KIAA0586: variants seen among roughly 807,000 people sequenced by gnomAD.
KIAA0586 encodes the protein protein TALPID3.
KIAA0586 carries 144 observed loss-of-function variants against 169.8 expected under a neutral mutation model. The observed-to-expected ratio is 0.85, with a 90% CI of 0.74 to 0.97. The LOEUF is 0.97. Ranked by LOEUF, KIAA0586 falls within the 50% of genes least tolerant of loss-of-function variation. KIAA0586 has a pLI of 0.00. For synonymous variants in KIAA0586, 625 were observed against 612.4 expected (o/e 1.02, Z -0.30); for missense variants, 1,854 against 1,823.0 (o/e 1.02, Z -0.31).
chr14:58,543,914 T>C lies in KIAA0586; in HGVS notation c.4495+3778T>C, dbSNP rs1022389517. On this transcript the variant is annotated intron_variant, in intron 30 of 30. Transcript: ENST00000652326. ...GGGTACATGTGAAGAAGGTTTCCTG[T>C]ATAGGTAAACTCGGGCTGTGGAGGT... The C allele has an allele frequency of 6.6e-6, 3 of 455,986 alleles. No individual in the cohort carries two copies. The highest frequency in any genetic ancestry group is 1.3e-5 in the Non-Finnish European group (3 of 226,916). The allele number at this position is 455,986 out of a possible 1,614,324, so 28.2% of individuals were successfully genotyped here.
chr14:58,434,678 G>T (rs1045146159), intron 4 of KIAA0586, among the ~76,000 whole-genome samples: 1 of 152,330 alleles, frequency 6.6e-6, no homozygotes, highest in East Asian at 1.9e-4. Context: ...TGATTGGAAT[G>T]CAGCAATGTT....
intron 29 of KIAA0586, among the ~76,000 whole-genome samples, chr14:58,523,382 C>T (rs914797041): frequency 5.3e-5 from 8 of 152,084 alleles, no homozygotes; most frequent in Non-Finnish European, 1.0e-4. Flanking sequence ...TGAAGACTTG[C>T]CAACATTCCA....
At chr14:58,503,778 G>T (rs1020489849) in intron 27 of KIAA0586, among the ~76,000 whole-genome samples, 3 of 144,340 alleles carry the variant, frequency 2.1e-5, no homozygotes, top group Non-Finnish European at 3.0e-5. Flanking sequence ...GGACCTTTCA[G>T]ACAGAATATG....
At chr14:58,479,059 T>C (rs2141076667) in intron 20 of KIAA0586, among the ~76,000 whole-genome samples, 2 of 152,330 alleles carry the variant, frequency 1.3e-5, no homozygotes, top group East Asian at 3.9e-4. Flanking sequence ...TTTTGGTTGG[T>C]CATATGATAA....
chr14:58,489,700 G>C (rs1032296591), intron 24 of KIAA0586, among the ~76,000 whole-genome samples: 2 of 151,996 alleles, frequency 1.3e-5, no homozygotes, highest in Non-Finnish European at 2.9e-5. Context: ...ATCCTTTCAT[G>C]TATATATGTC....
intron 29 of KIAA0586, among the ~76,000 whole-genome samples, chr14:58,528,322 A>G (rs1027802305): frequency 5.3e-5 from 8 of 152,342 alleles, no homozygotes; most frequent in Admixed American, 2.0e-4. Context: ...AAGGATAATC[A>G]GGACTTGAAC....
intron 13 of KIAA0586, among the ~76,000 whole-genome samples, chr14:58,460,444 C>CTAG (rs1479345227): frequency 6.6e-6 from 1 of 151,844 alleles, no homozygotes; most frequent in East Asian, 1.9e-4. Flanking sequence ...TGTTTAGTGC[C>CTAG]TAGTATATGC....
At chr14:58,482,779 T>A in intron 21 of KIAA0586, 67 bp downstream of exon 21, 1 of 1,047,972 alleles carries the variant, frequency 9.5e-7, no homozygotes, top group Non-Finnish European at 1.4e-6. Flanking sequence ...CTGCATACCA[T>A]AAGATCATTG....
rs777212846 is a variant in KIAA0586 at position 58,466,029 on chromosome 14, G to A, written c.2254G>A (p.Gly752Arg). 7.6e-6 allele frequency: 12 copies of A among 1,582,376 alleles called. No individual in the cohort carries two copies. Among genetic ancestry groups the A allele is most frequent in the Non-Finnish European group, 1.0e-5 (12 of 1,161,578 alleles). The stretch of plus-strand genomic sequence containing the variant: ...TCTGATTCCTATGGCAATTCTTTTA[G>A]GTAAGAATCAACAAAATATGTGGGA... ...GHLIPMAILL[G>R]QTQSNSDTMP... Residue 752 changes from glycine (G) to arginine (R), a missense_variant and splice_region_variant, in exon 15 of 31, where the codon GGA (glycine) becomes AGA (arginine). Physicochemically the swap from Gly to Arg is moderately radical, Grantham distance 125. Transcript: ENST00000652326.
chr14:58,460,828 C>A (rs1428133680), intron 13 of KIAA0586, among the ~76,000 whole-genome samples, 158 bp from the exon 14 acceptor site: 1 of 151,872 alleles, frequency 6.6e-6, no homozygotes, highest in Non-Finnish European at 1.5e-5. Flanking sequence ...ATGCTTGAAA[C>A]CTGTTATCTA....
At chr14:58,544,450 C>A (rs1180279448) in intron 30 of KIAA0586, among the ~76,000 whole-genome samples, 1 of 152,146 alleles carries the variant, frequency 6.6e-6, no homozygotes, top group Non-Finnish European at 1.5e-5. Context: ...CATTATATTA[C>A]TTTCCATAAT....
At chr14:58,528,876 G>A (rs944586088) in intron 29 of KIAA0586, among the ~76,000 whole-genome samples, 4 of 152,094 alleles carry the variant, frequency 2.6e-5, no homozygotes, top group African/African-American at 7.2e-5. Flanking sequence ...GAAGGAGATA[G>A]AGACACACAA....
intron 28 of KIAA0586, among the ~76,000 whole-genome samples, chr14:58,511,261 C>A (rs763083524): frequency 2.0e-5 from 3 of 152,252 alleles, no homozygotes; most frequent in African/African-American, 7.2e-5. Flanking sequence ...TGTTAGATTT[C>A]TTTAGCTAGC....
At chr14:58,477,932 C>T (rs1233991892) in intron 20 of KIAA0586, among the ~76,000 whole-genome samples, 1 of 151,688 alleles carries the variant, frequency 6.6e-6, no homozygotes, top group Non-Finnish European at 1.5e-5. Context: ...TCTTCCTTTC[C>T]ACCTCCTCCT....
In KIAA0586 at chr14:58,484,877, A is replaced by ATTATATATATATTTATATATATATAT. The variant is rs1566876497; in HGVS notation, c.3145-2129_3145-2104dup. On this transcript the variant is annotated intron_variant, in intron 21 of 30. Transcript: ENST00000652326. ...GAAGAAAAAGTCAAATTTTATATAT[A>ATTATATATATATTTATATATATATAT]TTATATATATATTTATATATATATA... 9.5e-4 allele frequency among the ~76,000 whole-genome samples: 45 copies of ATTATATATATATTTATATATATATAT among 47,290 alleles called. 3 individuals are homozygous for ATTATATATATATTTATATATATATAT. Among genetic ancestry groups the ATTATATATATATTTATATATATATAT allele is most frequent in the South Asian group, 2.8e-3 (3 of 1,072 alleles). The allele number at this position is 47,290 out of a possible 152,430, so 31.0% of individuals were successfully genotyped here.
intron 17 of KIAA0586, among the ~76,000 whole-genome samples, chr14:58,471,592 TG>T (rs1287101584): frequency 1.3e-5 from 2 of 152,160 alleles, no homozygotes; most frequent in African/African-American, 4.8e-5. Context: ...TCATAAGTAA[TG>T]AAATAGAACT....
Position 58,477,114 on chromosome 14 carries a change from T to C in KIAA0586, c.2826-9T>C. On this transcript the variant is annotated splice_polypyrimidine_tract_variant and intron_variant, in intron 19 of 30. Transcript: ENST00000652326. ...ATCTTAACTTTTATCTGCCCCACCA[T>C]CCTCTCAGGGTAGAGCAAGAAATAA... The C allele has an allele frequency of 6.9e-7, 1 of 1,452,988 alleles. No individual in the cohort carries two copies. Among genetic ancestry groups the C allele is most frequent in the South Asian group, 1.2e-5 (1 of 81,192 alleles). 90.0% of individuals were successfully genotyped at this position (1,452,988 alleles called of 1,614,324 possible).
intron 30 of KIAA0586, among the ~76,000 whole-genome samples, chr14:58,543,626 A>G (rs1380415814): frequency 6.6e-6 from 1 of 152,214 alleles, no homozygotes; most frequent in African/African-American, 2.4e-5. Context: ...ACTTGTGCTT[A>G]AAATTTCATC....
intron 26 of KIAA0586, 107 bp downstream of exon 26, chr14:58,492,382 G>T: frequency 2.2e-6 from 2 of 929,928 alleles, no homozygotes; most frequent in South Asian, 4.2e-5. Context: ...GTTTTTTCAA[G>T]GGTCAGTGTT....
Sources: gnomAD v4.1 joint callset for allele counts (sites outside exome capture counted in the v4.1 genomes callset) on GRCh38, gnomAD v4.1.1 for gene constraint, MANE v1.5 for transcripts, NCBI Gene and HGNC (gene_info 2026-07-23, HGNC 2026-07-21) for gene names.